Variants in TTN observed in about 807,000 individuals in gnomAD.
TTN encodes the protein connectin.
TTN carries 1,525 observed loss-of-function variants against 3,223.0 expected under a neutral mutation model. The ratio of observed to expected loss-of-function variants is 0.47; its 90% CI spans 0.45 to 0.49. The LOEUF is 0.49. TTN is among the 20% of genes least tolerant of loss of function. The pLI, the probability that TTN is intolerant of heterozygous loss-of-function variation, is 0.00. For synonymous variants in TTN, 14,094 were observed against 15,161.0 expected, an observed-to-expected ratio of 0.93 and a Z score of 5.17; for missense variants, 40,786 against 43,424.0, an observed-to-expected ratio of 0.94 and a Z score of 5.40.
chr2:178,615,032 CA>C (rs1328067979), intron 259 of TTN, 64 bp from the exon 260 acceptor site: 10 of 1,389,424 alleles, frequency 7.2e-6, no homozygotes, highest in African/African-American at 2.9e-5. Context: ...GTGTAGTACT[CA>C]TAATCTTTCA....
At position 178,804,586 on chromosome 2, in the gene TTN, C is replaced by G. The variant is rs781416228; in HGVS notation, c.57G>C (p.Glu19Asp). ...GAGCCTCAAAGGTTGCGGTACTACC[C>G]TCCAGTACCACAACGCTTTGTAACG... is the stretch of plus-strand genomic sequence containing the variant. ...TQPLQSVVVLEGSTATFEAHI... is the reference protein window; with the variant it reads ...TQPLQSVVVLDGSTATFEAHI... Residue 19 changes from glutamate (E) to aspartate (D), a missense_variant, in exon 2 of 363, where the codon GAG becomes GAC. Physicochemically the swap from Glu to Asp is conservative, Grantham distance 45. Transcript: ENST00000589042. 3 of 1,614,024 alleles carry G rather than the reference C, an allele frequency of 1.9e-6. No individual in the cohort carries two copies. The highest frequency in any genetic ancestry group is 2.5e-6 in the Non-Finnish European group (3 of 1,179,968).
At position 178,775,218 on chromosome 2, in the gene TTN, G is replaced by A. The variant is rs972314202; in HGVS notation, c.6509-16C>T. 1.9e-6 allele frequency: 3 copies of A among 1,613,244 alleles called. No homozygotes were observed. Among genetic ancestry groups the A allele is most frequent in the Admixed American group, 3.3e-5 (2 of 59,958 alleles). Reference sequence around the variant, plus strand: ...AATTGCTTGGCTACAAGAAAAAGGTGGGGGAAAAAGGGGAGAGCACATTAT... The same window carrying A: ...AATTGCTTGGCTACAAGAAAAAGGTAGGGGAAAAAGGGGAGAGCACATTAT... On this transcript the variant is annotated splice_polypyrimidine_tract_variant and intron_variant, in intron 28 of 362. Transcript: ENST00000589042.
Position 178,558,607 on chromosome 2 carries a change from A to C in TTN, c.86852T>G (p.Val28951Gly). Residue 28951 changes from valine (V) to glycine (G), a missense_variant, in exon 327 of 363, where the codon GTA becomes GGA. Transcript: ENST00000589042. ...EKPSPPEKLGVTSISKDSVSL... is the reference protein window; with the variant it reads ...EKPSPPEKLGGTSISKDSVSL... ...AACACTGTCTTTGGATATACTTGTTACTCCAAGTTTTTCAGGTGGGCTTGG... is the reference window on the plus strand; with the variant it reads ...AACACTGTCTTTGGATATACTTGTTCCTCCAAGTTTTTCAGGTGGGCTTGG... 1 of 1,612,192 alleles carries C rather than the reference A, an allele frequency of 6.2e-7. No homozygotes were observed. The highest frequency in any genetic ancestry group is 8.5e-7 in the Non-Finnish European group (1 of 1,179,494).
Position 178,712,300 on chromosome 2 carries a change from G to A in TTN, c.27607+15C>T. On this transcript the variant is annotated intron_variant, in intron 95 of 362. Coordinates refer to ENST00000589042, the MANE Select transcript of TTN (RefSeq NM_001267550.2). Reference sequence around the variant, plus strand: ...CGATTGTATACAAAGATAAAAATGTGCAATCATGACAAACCTAGTATGAGT... The same window carrying A: ...CGATTGTATACAAAGATAAAAATGTACAATCATGACAAACCTAGTATGAGT... The A allele has an allele frequency of 6.2e-7, 1 of 1,610,154 alleles. No homozygotes were observed. The highest frequency in any genetic ancestry group is 1.1e-5 in the South Asian group (1 of 90,858).
Position 178,611,497 on chromosome 2 carries a change from T to C in TTN, c.50732A>G (p.Lys16911Arg). ...AACAACACCTTCTTCAACCTTGAAT[T>C]TCAAGTCCTTTATTGGGCGAGAATT... The part of the protein sequence containing the change: ...RVNSRPIKDL[K>R]FKVEEGVVPD... Residue 16911 changes from lysine to arginine, a missense_variant, in exon 269 of 363, where the codon AAA becomes AGA. Physicochemically the swap from Lys to Arg is conservative, Grantham distance 26. Coordinates refer to ENST00000589042, the MANE Select transcript of TTN (RefSeq NM_001267550.2). 6.2e-7 allele frequency: 1 copy of C among 1,613,002 alleles called. No individual in the cohort carries two copies. Among genetic ancestry groups the C allele is most frequent in the Non-Finnish European group, 8.5e-7 (1 of 1,179,310 alleles).
intron 47 of TTN, chr2:178,748,737 T>A (rs1427777828): frequency 1.2e-6 from 2 of 1,612,742 alleles, no homozygotes; most frequent in South Asian, 2.2e-5. Context: ...TCTATAAGAC[T>A]TATTTTTTCC....
Position 178,664,086 on chromosome 2 carries a change from G to T in TTN, c.36293C>A (p.Pro12098His), listed in dbSNP as rs2065374034. 1 of 1,611,412 alleles carries T rather than the reference G, an allele frequency of 6.2e-7. No individual in the cohort carries two copies. The highest frequency in any genetic ancestry group is 8.5e-7 in the Non-Finnish European group (1 of 1,179,308). Residue 12098 changes from proline to histidine, a missense_variant, in exon 169 of 363, where the codon CCC becomes CAC. Physicochemically the swap from Pro to His is moderately conservative, Grantham distance 77. Transcript: ENST00000589042. ...EVVPVKVHEA[P>H]KEIIPEKKVS... is the part of the protein sequence containing the mutation. Reference sequence around the variant, plus strand: ...TTTCTTTTCAGGGATAATCTCTTTGGGAGCTTCGTGCACTTGAAAGATATT... The same window carrying T: ...TTTCTTTTCAGGGATAATCTCTTTGTGAGCTTCGTGCACTTGAAAGATATT...
chr2:178,588,256 G>T, intron 304 of TTN, 37 bp from the exon 305 acceptor site: 2 of 1,487,548 alleles, frequency 1.3e-6, no homozygotes, highest in Non-Finnish European at 1.8e-6. Context: ...ACTACTACTA[G>T]TGATACTTCA....
Position 178,534,814 on chromosome 2 carries a change from T to C in TTN, c.101801A>G (p.Asn33934Ser). The change falls in exon 358 of 363, where the codon AAT (asparagine) becomes AGT (serine). Residue 33934 changes from asparagine to serine, a missense_variant. Asn to Ser is a conservative substitution (Grantham distance 46). Coordinates refer to ENST00000589042, the MANE Select transcript of TTN (RefSeq NM_001267550.2). Reference protein sequence around the residue: ...CEALQFLHSHNIGHFDIRPEN... With the variant: ...CEALQFLHSHSIGHFDIRPEN... ...TGGTCTAATGTCAAAGTGTCCAATA[T>C]TATGACTGTGTAAAAACTGAAGTGC... The C allele has an allele frequency of 6.2e-7, 1 of 1,611,086 alleles. No individual in the cohort carries two copies. Among genetic ancestry groups the C allele is most frequent in the Non-Finnish European group, 8.5e-7 (1 of 1,179,800 alleles).
At chr2:178,591,577 A>G (rs769031028) in intron 303 of TTN, 22 bp downstream of exon 303, 7 of 1,605,692 alleles carry the variant, frequency 4.4e-6, no homozygotes, top group Non-Finnish European at 5.9e-6. Context: ...AAATAAGGTA[A>G]TACTGCTAGT....
At chr2:178,769,585 C>G in intron 37 of TTN, 94 bp downstream of exon 37, 1 of 1,145,040 alleles carries the variant, frequency 8.7e-7, no homozygotes, top group Non-Finnish European at 1.1e-6. Context: ...TTTGAGTGGT[C>G]AGCAAAGTGT....
Position 178,531,376 on chromosome 2 carries a change from C to G in TTN, c.105239G>C (p.Arg35080Thr). ...TSEMEASSSV[R>T]EVKSQMTETR... is the part of the protein sequence containing the mutation. ...CTCCGTCATCTGTGATTTCACTTCC[C>G]TGACAGAAGACGAAGCTTCCATCTC... Residue 35080 changes from arginine to threonine, a missense_variant, in exon 358 of 363, where the codon AGG (arginine) becomes ACG (threonine). Transcript: ENST00000589042. 1 of 1,614,024 alleles carries G rather than the reference C, an allele frequency of 6.2e-7. No homozygotes were observed. The highest frequency in any genetic ancestry group is 8.5e-7 in the Non-Finnish European group (1 of 1,179,886).
chr2:178,785,233 T>C (rs1389661607), intron 15 of TTN, among the ~76,000 whole-genome samples: 1 of 152,204 alleles, frequency 6.6e-6, no homozygotes, highest in Admixed American at 6.5e-5. Context: ...TTGAAACACA[T>C]TCACAGTTAA....
chr2:178,692,194 G>A (rs749755245), intron 120 of TTN, 95 bp from the exon 121 acceptor site: 7 of 1,190,918 alleles, frequency 5.9e-6, no homozygotes, highest in Non-Finnish European at 7.3e-6. Context: ...CACTAACAGT[G>A]TGAGAATTAG....
Position 178,545,596 on chromosome 2 carries a change from T to C in TTN, c.95514A>G (p.Glu31838=). 13 of 1,613,792 alleles carry C rather than the reference T, an allele frequency of 8.1e-6. No homozygotes were observed. In the South Asian group the frequency reaches 1.3e-4, roughly 16 times the overall value. Residue 31838 remains glutamate, a synonymous_variant, in exon 344 of 363, where the codon GAA becomes GAG. Coordinates refer to ENST00000589042, the MANE Select transcript of TTN (RefSeq NM_001267550.2). ...WTKPESDGGN[E]ISNYLVDKRE... ...GTTTGTCTACTAGGTAGTTGCTGAT[T>C]TCATTGCCACCATCAGATTCAGGTT...
At chr2:178,736,246 A>C (rs945488189) in intron 49 of TTN, among the ~76,000 whole-genome samples, 172 bp from the exon 50 acceptor site, 1 of 152,300 alleles carries the variant, frequency 6.6e-6, no homozygotes, top group East Asian at 1.9e-4. Context: ...GAAAGGGATG[A>C]GAGTGTTCTT....
Position 178,552,627 on chromosome 2 carries a change from G to T in TTN, c.90273C>A (p.Ser30091Arg), listed in dbSNP as rs1460814289. 1.9e-6 allele frequency: 3 copies of T among 1,613,848 alleles called. No individual in the cohort carries two copies. Among genetic ancestry groups the T allele is most frequent in the Non-Finnish European group, 2.5e-6 (3 of 1,179,828 alleles). ...CCAGGACTGACTGCTCCTTAAGTTG[G>T]CTAACCTCAATTTCACATGTCTTAC... ...GISKTCEIEV[S>R]QLKEQSVLEF... Residue 30091 changes from serine to arginine, a missense_variant, in exon 335 of 363, where the codon AGC becomes AGA. Ser to Arg is a moderately radical substitution (Grantham distance 110). Transcript: ENST00000589042.
rs747976104 is a variant in TTN at position 178,713,150 on chromosome 2, T to C, written c.26984A>G (p.Asp8995Gly). ...CATATTAGTAGCTATACATGTGTAG[T>C]CACCACTGTCTGATTCTTCCAGCAT... Reference protein sequence around the residue: ...VNMLEESDSGDYTCIATNMAG... With the variant: ...VNMLEESDSGGYTCIATNMAG... The change falls in exon 93 of 363, where the codon GAC (aspartate) becomes GGC (glycine). Residue 8995 changes from aspartate (D) to glycine (G), a missense_variant. By Grantham distance (94) the Asp-to-Gly change is moderately conservative. Coordinates refer to ENST00000589042, the MANE Select transcript of TTN (RefSeq NM_001267550.2). 4 of 1,613,808 alleles carry C rather than the reference T, an allele frequency of 2.5e-6. No individual in the cohort carries two copies. In the Admixed American group the frequency reaches 6.7e-5, roughly 27 times the overall value.
rs1310779125 is a variant in TTN at position 178,632,379 on chromosome 2, A to G, written c.43515T>C (p.Asp14505=). 6.2e-7 allele frequency: 1 copy of G among 1,600,560 alleles called. No homozygotes were observed. The highest frequency in any genetic ancestry group is 2.3e-5 in the East Asian group (1 of 44,354). The part of the protein sequence containing the change: ...IRLKFLTPLK[D]VTAKEKESAV... ...CACTTTCCTTCTCTTTGGCAGTTACATCTTTGAGAGGGGTGAGGAATTTGA... is the reference window on the plus strand; with the variant it reads ...CACTTTCCTTCTCTTTGGCAGTTACGTCTTTGAGAGGGGTGAGGAATTTGA... The change falls in exon 236 of 363, where the codon GAT becomes GAC. Residue 14505 remains aspartate, a synonymous_variant. Transcript: ENST00000589042.
Sources: allele counts gnomAD v4.1 joint callset (sites outside exome capture counted in the v4.1 genomes callset), GRCh38; gene constraint gnomAD v4.1.1; transcripts MANE v1.5; gene names NCBI Gene and HGNC (gene_info 2026-07-23, HGNC 2026-07-21).